Variants in LARGE1 observed in about 807,000 individuals in gnomAD.
The protein encoded by LARGE1 is LARGE xylosyl- and glucuronyltransferase 1, also known as xylosyl- and glucuronyltransferase LARGE1.
Under a neutral mutation model 87.6 loss-of-function variants are expected in LARGE1, and 43 were observed. That is an observed-to-expected ratio of 0.49 (90% CI 0.38 to 0.63). The LOEUF (loss-of-function observed/expected upper bound fraction) is 0.63. LARGE1 is among the 30% of genes least tolerant of loss of function. The probability of loss-of-function intolerance (pLI) is 0.00; values close to 1 mark genes in which losing one functional copy is unlikely to be tolerated. For synonymous variants in LARGE1, 434 were observed against 394.6 expected, an observed-to-expected ratio of 1.10 and a Z score of -1.18; for missense variants, 802 against 1,000.2, an observed-to-expected ratio of 0.80 and a Z score of 2.67.
At chr22:33,264,322 G>A (rs914971829) in intron 11 of LARGE1, among the ~76,000 whole-genome samples, 2 of 152,186 alleles carry the variant, frequency 1.3e-5, no homozygotes, top group African/African-American at 4.8e-5. Flanking sequence ...AAGAAATCAG[G>A]CCTAAATCAA....
chr22:33,893,704 A>G (rs1171957732), intron 1 of LARGE1, among the ~76,000 whole-genome samples: 1 of 152,140 alleles, frequency 6.6e-6, no homozygotes, highest in Non-Finnish European at 1.5e-5. Context: ...CCATCATATC[A>G]CTCATTCTAG....
At chr22:33,358,558 A>G (rs985804154) in intron 9 of LARGE1, among the ~76,000 whole-genome samples, 2 of 152,188 alleles carry the variant, frequency 1.3e-5, no homozygotes, top group Non-Finnish European at 2.9e-5. Flanking sequence ...ATTGCCCCTA[A>G]GAAGATATAT....
intron 9 of LARGE1, among the ~76,000 whole-genome samples, chr22:33,359,860 A>G (rs943457007): frequency 1.3e-5 from 2 of 149,574 alleles, no homozygotes; most frequent in Admixed American, 1.3e-4. Context: ...CACCGCACCC[A>G]GCCAGCAGAC....
chr22:33,795,017 T>C (rs1476491030), intron 1 of LARGE1, among the ~76,000 whole-genome samples: 3 of 152,188 alleles, frequency 2.0e-5, no homozygotes, highest in Non-Finnish European at 2.9e-5. Flanking sequence ...TGCGTCAGCA[T>C]TGTTTTCCTT....
intron 12 of LARGE1, 92 bp from the exon 13 acceptor site, chr22:33,283,440 G>T: frequency 7.1e-7 from 1 of 1,405,768 alleles, no homozygotes; most frequent in South Asian, 1.2e-5. Context: ...TTGGCCCGGG[G>T]AAGTGTGGGA....
At chr22:33,285,292 G>C (rs1165126687) in intron 12 of LARGE1, among the ~76,000 whole-genome samples, 1 of 152,094 alleles carries the variant, frequency 6.6e-6, no homozygotes, top group African/African-American at 2.4e-5. Flanking sequence ...AAGGCATTTT[G>C]AAAAACCACT....
intron 7 of LARGE1, among the ~76,000 whole-genome samples, chr22:33,401,195 T>G (rs536350961): frequency 5.9e-5 from 9 of 152,202 alleles, no homozygotes; most frequent in African/African-American, 1.2e-4. Context: ...TGCTTCCCTT[T>G]GTATCTTGTT....
chr22:33,694,831 C>T (rs964602010), intron 2 of LARGE1, among the ~76,000 whole-genome samples: 9 of 152,044 alleles, frequency 5.9e-5, no homozygotes, highest in African/African-American at 1.7e-4. Flanking sequence ...GACTAGTGGT[C>T]GTGTTTGCAT....
chr22:33,265,972 T>C (rs1927911023), intron 11 of LARGE1, among the ~76,000 whole-genome samples: 1 of 152,092 alleles, frequency 6.6e-6, no homozygotes, highest in African/African-American at 2.4e-5. Context: ...GAAGCACTGG[T>C]ACAGGCCAAG....
intron 2 of LARGE1, among the ~76,000 whole-genome samples, chr22:33,696,294 A>G (rs5754644): frequency 0.18 from 23,544 of 128,548 alleles, 2,266 homozygotes; most frequent in East Asian, 0.22. Context: ...ACAGAGTCTC[A>G]CTCTGTTGCC....
rs3216830 is a variant in LARGE1 at position 33,163,931 on chromosome 22, TTTAC to T, written c.*2828_*2831del. The T allele has an allele frequency of 3.9e-5, 6 of 152,226 alleles. No individual in the cohort carries two copies. In the East Asian group the frequency reaches 1.2e-3, roughly 29 times the overall value. The allele number at this position is 152,226 out of a possible 1,614,324, so 9.4% of individuals were successfully genotyped here. A position where few individuals can be genotyped will look rare whatever the true frequency, so the allele number is the denominator to read the frequency against. ...AACAAAGATAGCACCACTTAATATA[TTTAC>T]TTAAAGAGTCAAAGGCTTGAGTGTC... On this transcript the variant is annotated 3_prime_UTR_variant, in exon 12 of 12. Transcript: ENST00000608642.
intron 9 of LARGE1, among the ~76,000 whole-genome samples, chr22:33,347,349 C>G (rs1352338013): frequency 6.6e-6 from 1 of 152,192 alleles, no homozygotes; most frequent in Non-Finnish European, 1.5e-5. Flanking sequence ...TGGAGTGCCA[C>G]AGTGCTTGGC....
the LARGE1 span, among the ~76,000 whole-genome samples, chr22:33,099,618 T>C: frequency 1.3e-5 from 2 of 152,204 alleles, no homozygotes; most frequent in African/African-American, 4.8e-5. Context: ...TTCCTCTTAC[T>C]TATGGCTGAG....
At chr22:33,450,716 T>C (rs978923498) in intron 6 of LARGE1, among the ~76,000 whole-genome samples, 1 of 152,202 alleles carries the variant, frequency 6.6e-6, no homozygotes, top group African/African-American at 2.4e-5. Flanking sequence ...TTTCATCGTA[T>C]AACTGATGAA....
intron 12 of LARGE1, among the ~76,000 whole-genome samples, chr22:33,297,542 G>A (rs1049496155): frequency 6.6e-6 from 1 of 151,708 alleles, no homozygotes; most frequent in African/African-American, 2.4e-5. Context: ...GAACCTGAGG[G>A]GCAGAGGTTG....
At chr22:33,894,590 T>C (rs1289543955) in intron 1 of LARGE1, among the ~76,000 whole-genome samples, 1 of 152,152 alleles carries the variant, frequency 6.6e-6, no homozygotes, top group Non-Finnish European at 1.5e-5. Flanking sequence ...CAAACAAAAC[T>C]GGGACATGGG....
intron 6 of LARGE1, among the ~76,000 whole-genome samples, chr22:33,557,253 C>T (rs2077717971): frequency 1.3e-5 from 2 of 152,136 alleles, no homozygotes; most frequent in South Asian, 2.1e-4. Flanking sequence ...ATTAAAACCT[C>T]TTCACCCAAT....
chr22:33,170,882 T>C (rs1922533037), intron 11 of LARGE1, among the ~76,000 whole-genome samples: 2 of 152,134 alleles, frequency 1.3e-5, no homozygotes, highest in Admixed American at 1.3e-4. Flanking sequence ...AGACAGCGGT[T>C]GGAACAGTTA....
chr22:33,248,959 T>G (rs1926894210), intron 11 of LARGE1, among the ~76,000 whole-genome samples: 2 of 152,244 alleles, frequency 1.3e-5, no homozygotes, highest in South Asian at 4.1e-4. Context: ...ATTTACCTAC[T>G]GAAGGATATC....
Sources: allele counts gnomAD v4.1 joint callset (sites outside exome capture counted in the v4.1 genomes callset), GRCh38; gene constraint gnomAD v4.1.1; transcripts MANE v1.5; gene names NCBI Gene and HGNC (gene_info 2026-07-23, HGNC 2026-07-21).